MICU1: variants seen among roughly 807,000 people sequenced by gnomAD.
MICU1 encodes the protein mitochondrial calcium uptake 1.
A neutral mutation model predicts 56.8 loss-of-function variants in MICU1; 45 were observed. The observed-to-expected ratio is 0.79, with a 90% CI of 0.62 to 1.02. The LOEUF (loss-of-function observed/expected upper bound fraction) is 1.02. Ranked by LOEUF, MICU1 falls within the 50% of genes least tolerant of loss-of-function variation. The pLI, the probability that MICU1 is intolerant of heterozygous loss-of-function variation, is 0.00. For synonymous variants in MICU1, 186 were observed against 195.1 expected (o/e 0.95, Z 0.39); for missense variants, 504 against 587.1 (o/e 0.86, Z 1.46).
At chr10:72,537,480 G>C (rs1434481073) in intron 4 of MICU1, among the ~76,000 whole-genome samples, 4 of 152,134 alleles carry the variant, frequency 2.6e-5, no homozygotes, top group Non-Finnish European at 4.4e-5. Flanking sequence ...TTTGGTCCCA[G>C]CTTAGAAACA....
At chr10:72,618,083 CT>C (rs1467822635) in intron 1 of MICU1, among the ~76,000 whole-genome samples, 1 of 150,698 alleles carries the variant, frequency 6.6e-6, no homozygotes, top group Non-Finnish European at 1.5e-5. Context: ...AGGAGATTCG[CT>C]TGAGCCTGGG....
Position 72,545,687 on chromosome 10 carries a change from C to G in MICU1, c.493+5492G>C, listed in dbSNP as rs552944460. Among the ~76,000 whole-genome samples, 14 of 152,208 alleles carry G rather than the reference C, an allele frequency of 9.2e-5. No individual in the cohort carries two copies. In the East Asian group the frequency reaches 2.5e-3, roughly 27 times the overall value. ...GATGGCAAATAATTTCCTACTCAAG[C>G]CTCTAAAAGGTGTTAGACTCTCAGC... On this transcript the variant is annotated intron_variant, in intron 4 of 11. Coordinates refer to ENST00000361114, the MANE Select transcript of MICU1 (RefSeq NM_001195518.2).
intron 3 of MICU1, among the ~76,000 whole-genome samples, chr10:72,553,234 C>CT (rs35593530): frequency 0.042 from 5,402 of 129,008 alleles, 267 homozygotes; most frequent in African/African-American, 0.12. Context: ...TACCTTTCTT[C>CT]TTTTTTTTTT....
At chr10:72,448,165 A>ATG (rs71018288) in intron 8 of MICU1, among the ~76,000 whole-genome samples, 90 of 85,656 alleles carry the variant, frequency 1.1e-3, no homozygotes, top group African/African-American at 2.8e-3. Context: ...GTGTGTGTAT[A>ATG]TGTGTGTGTA....
chr10:72,518,054 AT>A (rs1448670331), intron 5 of MICU1, among the ~76,000 whole-genome samples: 1 of 144,468 alleles, frequency 6.9e-6, no homozygotes, highest in Non-Finnish European at 1.5e-5. Flanking sequence ...TTTTCCTGAG[AT>A]GGAGTGTTGC....
At chr10:72,491,881 T>C (rs1866667752) in intron 6 of MICU1, among the ~76,000 whole-genome samples, 1 of 152,106 alleles carries the variant, frequency 6.6e-6, no homozygotes, top group Non-Finnish European at 1.5e-5. Context: ...GACTACAAGA[T>C]AGGCTTTGCA....
intron 1 of MICU1, among the ~76,000 whole-genome samples, chr10:72,610,289 A>C (rs1841809953): frequency 6.6e-6 from 1 of 151,746 alleles, no homozygotes; most frequent in South Asian, 2.1e-4. Context: ...AAAAAAGTAA[A>C]TTTTATGTTA....
intron 8 of MICU1, among the ~76,000 whole-genome samples, chr10:72,474,720 T>C (rs1026840085): frequency 2.6e-5 from 4 of 152,204 alleles, no homozygotes; most frequent in Non-Finnish European, 5.9e-5. Context: ...TTCCAGCTCT[T>C]ACTACCTTTG....
rs139281270 is a variant in MICU1, at chr10:72,444,847, G to A, written c.934-21476C>T. 2.5e-3 allele frequency among the ~76,000 whole-genome samples: 375 copies of A among 152,258 alleles called. 2 individuals are homozygous for A. The highest frequency in any genetic ancestry group is 8.4e-3 in the African/African-American group (348 of 41,532). ...GGTTGACTGGTTAAATCTCTGCTTCGTTAGAAAGTCACCTACCCATTCTGT... is the reference window on the plus strand; with the variant it reads ...GGTTGACTGGTTAAATCTCTGCTTCATTAGAAAGTCACCTACCCATTCTGT... On this transcript the variant is annotated intron_variant, in intron 8 of 11. Coordinates refer to ENST00000361114, the MANE Select transcript of MICU1 (RefSeq NM_001195518.2).
intron 10 of MICU1, among the ~76,000 whole-genome samples, chr10:72,406,426 A>T (rs1461903666): frequency 6.6e-6 from 1 of 152,154 alleles, no homozygotes; most frequent in Non-Finnish European, 1.5e-5. Flanking sequence ...TACATACTCA[A>T]TGTTACTGTA....
At chr10:72,549,430 ATC>A (rs1331390822) in intron 4 of MICU1, among the ~76,000 whole-genome samples, 1 of 152,016 alleles carries the variant, frequency 6.6e-6, no homozygotes, top group South Asian at 2.1e-4. Flanking sequence ...AGCTCAAATA[ATC>A]TGTCTGCATC....
chr10:72,444,902 AT>A (rs1246902373), intron 8 of MICU1, among the ~76,000 whole-genome samples: 1 of 152,166 alleles, frequency 6.6e-6, no homozygotes, highest in Non-Finnish European at 1.5e-5. Context: ...CACAAGACAC[AT>A]TTTCCAGTCT....
intron 9 of MICU1, among the ~76,000 whole-genome samples, chr10:72,409,141 T>C (rs1333082906): frequency 1.3e-5 from 2 of 152,188 alleles, no homozygotes; most frequent in African/African-American, 4.8e-5. Flanking sequence ...GGGAAAACAC[T>C]GGGAAATGTC....
chr10:72,533,198 A>T (rs1211337663), intron 5 of MICU1: 1 of 1,156,876 alleles, frequency 8.6e-7, no homozygotes, highest in South Asian at 1.3e-5. Flanking sequence ...GCTTTATGAG[A>T]CAATAAAACT....
chr10:72,479,148 T>C (rs1271676973), intron 6 of MICU1, among the ~76,000 whole-genome samples: 1 of 152,180 alleles, frequency 6.6e-6, no homozygotes, highest in Non-Finnish European at 1.5e-5. Context: ...GAGGAGGATA[T>C]TGGGGCTCAA....
intron 2 of MICU1, among the ~76,000 whole-genome samples, chr10:72,565,710 A>G (rs1840414556): frequency 6.6e-6 from 1 of 152,048 alleles, no homozygotes; most frequent in African/African-American, 2.4e-5. Context: ...CACACCTATA[A>G]TCCCAGCTAC....
At chr10:72,598,436 A>G (rs769294262) in intron 1 of MICU1, among the ~76,000 whole-genome samples, 2 of 151,922 alleles carry the variant, frequency 1.3e-5, no homozygotes, top group Non-Finnish European at 2.9e-5. Context: ...TTGTATTTTT[A>G]GTAGAAACAG....
chr10:72,615,798 G>A (rs1219482156), intron 1 of MICU1, among the ~76,000 whole-genome samples: 11 of 152,068 alleles, frequency 7.2e-5, no homozygotes, highest in Non-Finnish European at 1.5e-5. Context: ...AGACCATCCT[G>A]GCTAACACAG....
At chr10:72,486,041 C>T (rs1866464698) in intron 6 of MICU1, among the ~76,000 whole-genome samples, 1 of 151,682 alleles carries the variant, frequency 6.6e-6, no homozygotes, top group Admixed American at 6.6e-5. Context: ...GCATGAAAAA[C>T]ATAAAATAAG....
Sources: gnomAD v4.1 joint callset for allele counts (sites outside exome capture counted in the v4.1 genomes callset) on GRCh38, gnomAD v4.1.1 for gene constraint, MANE v1.5 for transcripts, NCBI Gene and HGNC (gene_info 2026-07-23, HGNC 2026-07-21) for gene names.